UBA7: variants seen among roughly 807,000 people sequenced by gnomAD.
UBA7 encodes the protein ubiquitin-like modifier-activating enzyme 7.
UBA7 carries 88 observed loss-of-function variants against 113.0 expected under a neutral mutation model. The observed-to-expected ratio is 0.78, with a 90% confidence interval of 0.66 to 0.93. The LOEUF is 0.93. UBA7 is among the 40% of genes least tolerant of loss of function. The pLI is 0.00. For synonymous variants in UBA7, 459 were observed against 513.0 expected (o/e 0.89, Z 1.42); for missense variants, 1,092 against 1,266.4 (o/e 0.86, Z 2.09).
rs778010802 is a variant in UBA7, at chr3:49,813,540, C to T, written c.164G>A (p.Gly55Asp). Residue 55 changes from glycine to aspartate, a missense_variant, in exon 2 of 24, where the codon GGT becomes GAT. Gly to Asp is a moderately conservative substitution (Grantham distance 94). Coordinates refer to ENST00000333486, the MANE Select transcript of UBA7 (RefSeq NM_003335.3). The stretch of plus-strand genomic sequence containing the variant: ...ATCATGCAGAGTGAGGCTGCCCACA[C>T]CCATCAGAACCAAGTTCTTGGCCAC... ...AEVAKNLVLM[G>D]VGSLTLHDPH... The T allele has an allele frequency of 2.5e-6, 4 of 1,613,946 alleles. No homozygotes were observed. Among genetic ancestry groups the T allele is most frequent in the Admixed American group, 1.7e-5 (1 of 60,014 alleles).
At chr3:49,806,488 TG>T (rs746490517) in intron 21 of UBA7, among the ~76,000 whole-genome samples, 2 of 152,116 alleles carry the variant, frequency 1.3e-5, no homozygotes, top group Non-Finnish European at 2.9e-5. Context: ...CTGATAAAGC[TG>T]CTTGTTCCTC....
intron 21 of UBA7, 57 bp from the exon 22 acceptor site, chr3:49,806,222 C>A (rs1575366755): frequency 1.4e-6 from 2 of 1,445,264 alleles, no homozygotes; most frequent in East Asian, 5.0e-5. Context: ...ACCCCCATCC[C>A]AGTTACCAGC....
Position 49,811,872 on chromosome 3 carries a change from G to C in UBA7, c.937C>G (p.Pro313Ala). 1.2e-6 allele frequency: 2 copies of C among 1,613,372 alleles called. No individual in the cohort carries two copies. Among genetic ancestry groups the C allele is most frequent in the Middle Eastern group, 1.8e-4 (1 of 5,450 alleles). ...GTGGGAGCAACAGGACTACTCACAGGATCCCAGGGCTGGGGTGGCCGGCCA... is the reference window on the plus strand; with the variant it reads ...GTGGGAGCAACAGGACTACTCACAGCATCCCAGGGCTGGGGTGGCCGGCCA... ...LHGRPPQPWD[P>A]VDAETVVGLA... Residue 313 changes from proline to alanine, a missense_variant and splice_region_variant, in exon 8 of 24, where the codon CCT becomes GCT. Physicochemically the swap from Pro to Ala is conservative, Grantham distance 27. Around this residue, in one of 3 missense-constraint regions of UBA7, gnomAD observed 584 missense variants for 714.5 expected, o/e 0.82. Coordinates refer to ENST00000333486, the MANE Select transcript of UBA7 (RefSeq NM_003335.3).
chr3:49,812,201 C>T lies in UBA7; in HGVS notation c.700G>A (p.Gly234Arg), dbSNP rs568580039. 74 of 1,614,184 alleles carry T rather than the reference C, an allele frequency of 4.6e-5. No homozygotes were observed. In the East Asian group the frequency reaches 6.9e-4, roughly 15 times the overall value. ...DPRSIHVREDGSLEIGDTTTF... is the reference protein window; with the variant it reads ...DPRSIHVREDRSLEIGDTTTF... ...GTTGTGTCTCCAATCTCCAGGGACC[C>T]ATCCTCTGAGGGAGTTCCAGTCTAG... The change falls in exon 7 of 24, where the codon GGG becomes AGG. Residue 234 changes from glycine (G) to arginine (R), a missense_variant. Transcript: ENST00000333486.
rs745973581 is a variant in UBA7, at chr3:49,810,602, C to G, written c.1382G>C (p.Ser461Thr). Residue 461 changes from serine to threonine, a missense_variant, in exon 12 of 24, where the codon AGC becomes ACC. By Grantham distance (58) the Ser-to-Thr change is moderately conservative (BLOSUM62 1). Coordinates refer to ENST00000333486, the MANE Select transcript of UBA7 (RefSeq NM_003335.3). The surrounding 1 kb of genome is among the most constrained non-coding windows in gnomAD (Gnocchi z 5.6). ...FALVGLGAGN[S>T]GGLTVVDMDH... Reference sequence around the variant, plus strand: ...CATGTCAACAACAGTCAAGCCCCCGCTGTTCCCGGCCCCCAGTCCCACTAG... The same window carrying G: ...CATGTCAACAACAGTCAAGCCCCCGGTGTTCCCGGCCCCCAGTCCCACTAG... The G allele has an allele frequency of 6.2e-7, 1 of 1,614,156 alleles. No homozygotes were observed.
intron 18 of UBA7, 29 bp from the exon 19 acceptor site, chr3:49,808,497 C>A: frequency 6.2e-7 from 1 of 1,610,316 alleles, no homozygotes; most frequent in South Asian, 1.1e-5. Flanking sequence ...TTGAGGCAGT[C>A]CTTAGCCCCT....
chr3:49,806,079 A>G lies in UBA7; in HGVS notation c.2802T>C (p.His934=). The stretch of plus-strand genomic sequence containing the variant: ...GGGTAGCAACAGGGCACACCTGAAG[A>G]TGAGCCAGCAGCGACTCCAGGGTCC... The part of the protein sequence containing the change: ...PERTLESLLA[H]LQEQHGLRVR... The change falls in exon 22 of 24, where the codon CAT becomes CAC. Residue 934 remains histidine (H), a synonymous_variant. Coordinates refer to ENST00000333486, the MANE Select transcript of UBA7 (RefSeq NM_003335.3). The G allele has an allele frequency of 6.3e-7, 1 of 1,590,960 alleles. No homozygotes were observed. Among genetic ancestry groups the G allele is most frequent in the Non-Finnish European group, 8.6e-7 (1 of 1,169,062 alleles).
In UBA7 at chr3:49,813,493, C is replaced by A; in HGVS notation, c.211G>T (p.Asp71Tyr). The change falls in exon 2 of 24, where the codon GAC becomes TAC. Residue 71 changes from aspartate (D) to tyrosine (Y), a missense_variant. Coordinates refer to ENST00000333486, the MANE Select transcript of UBA7 (RefSeq NM_003335.3). ...AGGACACTTACCTGGGCAGCCAGGT[C>A]GGACCAGCAGGTGGGGTGGGGATCA... Reference protein sequence around the residue: ...LHDPHPTCWSDLAAQFLLSEQ... With the variant: ...LHDPHPTCWSYLAAQFLLSEQ... 1 of 1,613,738 alleles carries A rather than the reference C, an allele frequency of 6.2e-7. No homozygotes were observed. The highest frequency in any genetic ancestry group is 1.1e-5 in the South Asian group (1 of 91,048).
chr3:49,806,297 G>C, intron 21 of UBA7, 132 bp from the exon 22 acceptor site: 1 of 794,556 alleles, frequency 1.3e-6, no homozygotes, highest in Non-Finnish European at 2.0e-6. Context: ...GGGTGGGGGG[G>C]AGGTGGGATC....
At position 49,810,672 on chromosome 3, in the gene UBA7, C is replaced by T; in HGVS notation, c.1312G>A (p.Val438Met). 1.9e-6 allele frequency: 3 copies of T among 1,614,122 alleles called. No individual in the cohort carries two copies. Among genetic ancestry groups the T allele is most frequent in the Non-Finnish European group, 2.5e-6 (3 of 1,179,976 alleles). Residue 438 changes from valine (V) to methionine (M), a missense_variant and splice_region_variant, in exon 12 of 24, where the codon GTG becomes ATG. Val to Met is a conservative substitution (Grantham distance 21, BLOSUM62 1). Transcript: ENST00000333486. The surrounding 1 kb of genome is among the most constrained non-coding windows in gnomAD (Gnocchi z 5.6). Reference protein sequence around the residue: ...EKLRRQHYLLVGAGAIGCELL... With the variant: ...EKLRRQHYLLMGAGAIGCELL... The stretch of plus-strand genomic sequence containing the variant: ...TCACAACCAATGGCACCAGCGCCCA[C>T]CTGTTGGCAGGAACAGCCTTAGCCA...
intron 16 of UBA7, 36 bp from the exon 17 acceptor site, chr3:49,809,500 G>T (rs375724057): frequency 3.2e-5 from 51 of 1,613,780 alleles, no homozygotes; most frequent in Non-Finnish European, 4.1e-5. Context: ...GGCTCAGTCT[G>T]GTCCCCCTGA....
chr3:49,809,207 G>T, intron 17 of UBA7, 48 bp from the exon 18 acceptor site: 1 of 1,572,336 alleles, frequency 6.4e-7, no homozygotes. Context: ...GCATGGGGTG[G>T]GGGTCACTGT....
At position 49,810,191 on chromosome 3, in the gene UBA7, G is replaced by C. The variant is rs1559434917; in HGVS notation, c.1634-8C>G. On this transcript the variant is annotated splice_region_variant and splice_polypyrimidine_tract_variant and intron_variant, in intron 13 of 23. Transcript: ENST00000333486. The surrounding 1 kb of genome is among the most constrained non-coding windows in gnomAD (Gnocchi z 5.6). ...GAGCAGCCACATAGCGCCCTGGCAA[G>C]GGAGCAGTGGGTCAGAAGTGGGACT... The C allele has an allele frequency of 6.2e-7, 1 of 1,612,850 alleles. No individual in the cohort carries two copies. Among genetic ancestry groups the C allele is most frequent in the East Asian group, 2.2e-5 (1 of 44,856 alleles).
In UBA7 at chr3:49,813,470, G is replaced by C. The variant is rs2081583527; in HGVS notation, c.225+9C>G. ...GGTCTGGCAGCCCATAGCCCCCCAG[G>C]ACACTTACCTGGGCAGCCAGGTCGG... On this transcript the variant is annotated intron_variant, in intron 2 of 23. Coordinates refer to ENST00000333486, the MANE Select transcript of UBA7 (RefSeq NM_003335.3). The C allele has an allele frequency of 2.5e-6, 4 of 1,612,482 alleles. No homozygotes were observed. The highest frequency in any genetic ancestry group is 3.4e-6 in the Non-Finnish European group (4 of 1,179,232).
chr3:49,806,209 C>G (rs746146028), intron 21 of UBA7, 44 bp from the exon 22 acceptor site: 6 of 1,509,882 alleles, frequency 4.0e-6, no homozygotes, highest in East Asian at 2.4e-5. Context: ...TTACCTCCCC[C>G]CAACCCCCAT....
intron 5 of UBA7, 50 bp from the exon 6 acceptor site, chr3:49,812,593 G>A (rs1428955709): frequency 2.5e-6 from 4 of 1,614,162 alleles, no homozygotes; most frequent in Non-Finnish European, 2.5e-6. Flanking sequence ...GCCTTCCACA[G>A]GCCCTGGCAG....
rs1331601312 is a variant in UBA7, at chr3:49,807,506, C to T, written c.2715+230G>A. Among the ~76,000 whole-genome samples, 1 of 152,170 alleles carries T rather than the reference C, an allele frequency of 6.6e-6. No homozygotes were observed. The highest frequency in any genetic ancestry group is 1.5e-5 in the Non-Finnish European group (1 of 68,040). ...ACTAATGAGTTAAAGCTGCAGCTCC[C>T]CCAGATCCTGGGCTTTGGAGGATTG... On this transcript the variant is annotated intron_variant, in intron 21 of 23. Transcript: ENST00000333486. This position sits in a 1 kb window ranked among gnomAD's most constrained non-coding sequence, Gnocchi z 4.0.
At chr3:49,809,514 C>G in intron 16 of UBA7, 28 bp downstream of exon 16, 1 of 1,613,712 alleles carries the variant, frequency 6.2e-7, no homozygotes, top group East Asian at 2.2e-5. Flanking sequence ...CCCCTGAGCC[C>G]CCAGCGTCCC....
chr3:49,809,314 C>T (rs755282553), intron 17 of UBA7, 76 bp downstream of exon 17: 10 of 1,571,264 alleles, frequency 6.4e-6, no homozygotes, highest in Non-Finnish European at 8.7e-6. Context: ...TGCATCTCTG[C>T]AGAATGCAGA....
Sources: gnomAD v4.1 joint callset for allele counts (sites outside exome capture counted in the v4.1 genomes callset) on GRCh38, gnomAD v4.1.1 for gene constraint, gnomAD v4.1.1 regional missense constraint, Gnocchi (gnomAD v3.1) non-coding constraint, MANE v1.5 for transcripts, NCBI Gene and HGNC (gene_info 2026-07-23, HGNC 2026-07-21) for gene names.